The following TADA1 variants were observed in gnomAD, a reference collection of about 807,000 sequenced individuals.
TADA1 encodes transcriptional adapter 1.
Under a neutral mutation model 39.3 loss-of-function variants are expected in TADA1, and 23 were observed. The ratio of observed to expected loss-of-function variants is 0.58; its 90% confidence interval spans 0.42 to 0.83. The LOEUF (loss-of-function observed/expected upper bound fraction) is 0.83. Among genes scored for constraint, TADA1 ranks in the 40% least tolerant of loss-of-function variants. The pLI, the probability that TADA1 is intolerant of heterozygous loss-of-function variation, is 0.00. For missense variants in TADA1, 352 were observed against 408.1 expected, an observed-to-expected ratio of 0.86 and a Z score of 1.18; for synonymous variants, 137 against 151.8, an observed-to-expected ratio of 0.90 and a Z score of 0.72.
chr1:166,869,987 C>A, intron 1 of TADA1, 133 bp from the exon 2 acceptor site: 1 of 683,206 alleles, frequency 1.5e-6, no homozygotes. Flanking sequence ...ACAATCAGAG[C>A]TCTGAACTTC....
At chr1:166,867,317 T>C (rs1658560136) in intron 3 of TADA1, among the ~76,000 whole-genome samples, 1 of 152,242 alleles carries the variant, frequency 6.6e-6, no homozygotes, top group Non-Finnish European at 1.5e-5. Context: ...TTGGCTTTTC[T>C]GATCAAATTA....
At position 166,860,276 on chromosome 1, in the gene TADA1, T is replaced by A. The variant is rs1658377271; in HGVS notation, c.602A>T (p.Asp201Val). Residue 201 changes from aspartate (D) to valine (V), a missense_variant, in exon 6 of 8, where the codon GAT becomes GTT. Coordinates refer to ENST00000367874, the MANE Select transcript of TADA1 (RefSeq NM_053053.4). ...GCCAAAGGCATATTTAAAATGACCA[T>A]CTCGTAACCGATAAGCTTTCCTTCT... The part of the protein sequence containing the change: ...VSRRKAYRLR[D>V]GHFKYAFGSN... The A allele has an allele frequency of 6.2e-7, 1 of 1,614,104 alleles. No homozygotes were observed. Among genetic ancestry groups the A allele is most frequent in the East Asian group, 2.2e-5 (1 of 44,880 alleles).
At chr1:166,869,661 A>C in intron 2 of TADA1, 102 bp downstream of exon 2, 1 of 1,428,958 alleles carries the variant, frequency 7.0e-7, no homozygotes, top group Non-Finnish European at 9.7e-7. Context: ...AACCTTATAC[A>C]CCACAAAACC....
At chr1:166,875,193 C>T (rs377748394) in intron 1 of TADA1, among the ~76,000 whole-genome samples, 9 of 152,350 alleles carry the variant, frequency 5.9e-5, no homozygotes, top group African/African-American at 2.2e-4. Context: ...TTTATATTTG[C>T]TTCCTATATT....
Position 166,866,186 on chromosome 1 carries a change from G to A in TADA1, c.233-2265C>T, listed in dbSNP as rs144314762. On this transcript the variant is annotated intron_variant, in intron 3 of 7. Coordinates refer to ENST00000367874, the MANE Select transcript of TADA1 (RefSeq NM_053053.4). Reference sequence around the variant, plus strand: ...ACCAGCTGCTGCTGCGTGGCCAAGCGAAGCACGCTAAGGCCTAACCCTGAC... The same window carrying A: ...ACCAGCTGCTGCTGCGTGGCCAAGCAAAGCACGCTAAGGCCTAACCCTGAC... Among the ~76,000 whole-genome samples the A allele has an allele frequency of 3.7e-3, 561 of 152,352 alleles. 2 individuals are homozygous for A. Among genetic ancestry groups the A allele is most frequent in the Non-Finnish European group, 6.1e-3 (412 of 68,034 alleles).
intron 5 of TADA1, among the ~76,000 whole-genome samples, chr1:166,860,888 C>T (rs1190292626): frequency 6.6e-6 from 1 of 152,088 alleles, no homozygotes; most frequent in Non-Finnish European, 1.5e-5. Flanking sequence ...AGGCTGGTCT[C>T]GAACTTCTGA....
rs1658469799 is a variant in TADA1, at chr1:166,863,847, A to C, written c.307T>G (p.Ser103Ala). The change falls in exon 4 of 8, where the codon TCT becomes GCT. Residue 103 changes from serine (S) to alanine (A), a missense_variant. Around this residue, in one of 3 missense-constraint regions of TADA1, gnomAD observed 285 missense variants for 310.9 expected, o/e 0.92. Coordinates refer to ENST00000367874, the MANE Select transcript of TADA1 (RefSeq NM_053053.4). Reference sequence around the variant, plus strand: ...ACATCAAATTTCTGACGAACAGAAGAAAGCTTTTTCTTTCCCTTGGGTTTT... The same window carrying C: ...ACATCAAATTTCTGACGAACAGAAGCAAGCTTTTTCTTTCCCTTGGGTTTT... ...PGKPKGKKKLSSVRQKFDHRF... is the reference protein window; with the variant it reads ...PGKPKGKKKLASVRQKFDHRF... 2.5e-6 allele frequency: 4 copies of C among 1,612,340 alleles called. No individual in the cohort carries two copies. Among genetic ancestry groups the C allele is most frequent in the Non-Finnish European group, 3.4e-6 (4 of 1,179,572 alleles).
chr1:166,876,025 C>T (rs1658760725), intron 1 of TADA1, 135 bp downstream of exon 1: 4 of 877,884 alleles, frequency 4.6e-6, no homozygotes, highest in Non-Finnish European at 4.9e-6. Flanking sequence ...CGGAGAAACC[C>T]CGAAGCCCCG....
In TADA1 at chr1:166,856,781, A is replaced by G. The variant is rs1460271336; in HGVS notation, c.*786T>C. On this transcript the variant is annotated 3_prime_UTR_variant, in exon 8 of 8. Transcript: ENST00000367874. ...ATAGGTACCTCCTAGAAACTGGAGA[A>G]TTACCAAGCATATATCCAATTTGTA... The G allele has an allele frequency of 6.5e-6, 1 of 152,672 alleles. No individual in the cohort carries two copies. Among genetic ancestry groups the G allele is most frequent in the African/African-American group, 2.4e-5 (1 of 41,464 alleles). 9.5% of individuals were successfully genotyped at this position (152,672 alleles called of 1,614,324 possible). A position where few individuals can be genotyped will look rare whatever the true frequency, so the allele number is the denominator to read the frequency against.
At chr1:166,873,363 C>G (rs115815302) in intron 1 of TADA1, among the ~76,000 whole-genome samples, 1,555 of 152,296 alleles carry the variant, frequency 0.01, 29 homozygotes, top group African/African-American at 0.035. Flanking sequence ...CTACTGGCTA[C>G]TATACAAAGT....
intron 3 of TADA1, among the ~76,000 whole-genome samples, chr1:166,865,629 T>A (rs913231075): frequency 2.0e-5 from 3 of 151,780 alleles, no homozygotes; most frequent in Non-Finnish European, 2.9e-5. Context: ...CTGGCTAACA[T>A]GGTGAAACCC....
chr1:166,866,097 A>G (rs1257321849), intron 3 of TADA1, among the ~76,000 whole-genome samples: 4 of 152,242 alleles, frequency 2.6e-5, no homozygotes, highest in African/African-American at 7.2e-5. Context: ...CCAAGTGATG[A>G]CAGGAAAGTA....
intron 1 of TADA1, among the ~76,000 whole-genome samples, chr1:166,872,066 TCTCCAATC>T (rs1223099254): frequency 1.3e-5 from 2 of 152,230 alleles, no homozygotes; most frequent in Non-Finnish European, 2.9e-5. Context: ...AAAGACTTGC[TCTCCAATC>T]CTGGTCCCTC....
rs190223291 is a variant in TADA1, at chr1:166,873,092, G to A, written c.74+3068C>T. Among the ~76,000 whole-genome samples, 108 of 142,912 alleles carry A rather than the reference G, an allele frequency of 7.6e-4. 1 individual carries two copies. The East Asian group carries it at 0.019, about 25-fold the overall frequency. The allele number at this position is 142,912 out of a possible 152,430, so 93.8% of individuals were successfully genotyped here. A position where few individuals can be genotyped will look rare whatever the true frequency, so the allele number is the denominator to read the frequency against. ...TCAAGACCAGCCTGGCCAACATGGC[G>A]AAACCCCGTCTCTACTAAAAATACA... On this transcript the variant is annotated intron_variant, in intron 1 of 7. Transcript: ENST00000367874.
At position 166,862,260 on chromosome 1, in the gene TADA1, C is replaced by T. The variant is rs773997839; in HGVS notation, c.483G>A (p.Glu161=). The T allele has an allele frequency of 1.9e-6, 3 of 1,613,968 alleles. No homozygotes were observed. Among genetic ancestry groups the T allele is most frequent in the East Asian group, 2.2e-5 (1 of 44,896 alleles). The stretch of plus-strand genomic sequence containing the variant: ...CCTCGGTGACATTGTCCAGCCCATG[C>T]TCATAAGCAGTCACTATCATTCTCC... ...LEGRMIVTAY[E]HGLDNVTEEA... The change falls in exon 5 of 8, where the codon GAG becomes GAA. Residue 161 remains glutamate (E), a synonymous_variant. Transcript: ENST00000367874.
rs1658285681 is a variant in TADA1, at chr1:166,856,671, A to C, written c.*896T>G. 1 of 152,658 alleles carries C rather than the reference A, an allele frequency of 6.6e-6. No individual in the cohort carries two copies. Among genetic ancestry groups the C allele is most frequent in the Non-Finnish European group, 1.5e-5 (1 of 68,050 alleles). The allele number at this position is 152,658 out of a possible 1,614,324, so 9.5% of individuals were successfully genotyped here. A position where few individuals can be genotyped will look rare whatever the true frequency, so the allele number is the denominator to read the frequency against. ...CTATCAACACTATCCCTTAAGTAAAAAGCAACATATCTCTTAAGTAGGTTT... is the reference window on the plus strand; with the variant it reads ...CTATCAACACTATCCCTTAAGTAAACAGCAACATATCTCTTAAGTAGGTTT... On this transcript the variant is annotated 3_prime_UTR_variant, in exon 8 of 8. Coordinates refer to ENST00000367874, the MANE Select transcript of TADA1 (RefSeq NM_053053.4).
intron 1 of TADA1, among the ~76,000 whole-genome samples, chr1:166,872,838 A>G (rs908863350): frequency 6.6e-6 from 1 of 152,226 alleles, no homozygotes; most frequent in Non-Finnish European, 1.5e-5. Context: ...AGCCTCAACT[A>G]TTCCTTTATA....
intron 3 of TADA1, among the ~76,000 whole-genome samples, chr1:166,865,695 T>C (rs1473874831): frequency 6.6e-6 from 1 of 151,828 alleles, no homozygotes; most frequent in Non-Finnish European, 1.5e-5. Context: ...GGTGGGCACC[T>C]GTAGTCCCAG....
intron 1 of TADA1, among the ~76,000 whole-genome samples, chr1:166,870,152 C>G (rs961769785): frequency 2.2e-4 from 33 of 152,164 alleles, no homozygotes. Context: ...TGTGTCCCCC[C>G]ACAAAAGTCC....
Sources: gnomAD v4.1 joint callset for allele counts (sites outside exome capture counted in the v4.1 genomes callset) on GRCh38, gnomAD v4.1.1 for gene constraint, gnomAD v4.1.1 regional missense constraint, MANE v1.5 for transcripts, NCBI Gene and HGNC (gene_info 2026-07-23, HGNC 2026-07-21) for gene names.